GLCE: variants seen among roughly 807,000 people sequenced by gnomAD.
GLCE encodes the protein glucuronic acid epimerase, also known as D-glucuronyl C5-epimerase.
GLCE carries 19 observed loss-of-function variants against 47.9 expected under a neutral mutation model. That is an observed-to-expected ratio of 0.40 (90% CI 0.28 to 0.58). GLCE has a LOEUF of 0.58. Ranked by LOEUF, GLCE falls within the 20% of genes least tolerant of loss-of-function variation. The pLI is 0.48. For missense variants in GLCE, 556 were observed against 743.3 expected (o/e 0.75, Z 2.93); for synonymous variants, 245 against 263.4 (o/e 0.93, Z 0.68).
At chr15:69,197,293 G>A in intron 1 of GLCE, 1 of 297,886 alleles carries the variant, frequency 3.4e-6, no homozygotes, top group Non-Finnish European at 6.8e-6. Context: ...CTTTTTGCAG[G>A]GAAGATGTTT....
At chr15:69,252,922 T>C (rs2052866328) in intron 2 of GLCE, among the ~76,000 whole-genome samples, 1 of 151,968 alleles carries the variant, frequency 6.6e-6, no homozygotes, top group African/African-American at 2.4e-5. Context: ...TATTCTCAGT[T>C]AATAGGGTTA....
chr15:69,240,408 T>C (rs2052653347), intron 2 of GLCE, among the ~76,000 whole-genome samples: 1 of 152,092 alleles, frequency 6.6e-6, no homozygotes, highest in South Asian at 2.1e-4. Flanking sequence ...GCACATACTC[T>C]TGATATAAAA....
At chr15:69,224,959 A>G (rs547881906) in intron 2 of GLCE, among the ~76,000 whole-genome samples, 1 of 152,310 alleles carries the variant, frequency 6.6e-6, no homozygotes, top group East Asian at 1.9e-4. Context: ...GGCAGAAATT[A>G]TGTTAATAGT....
At chr15:69,176,490 C>T (rs994011536) in intron 1 of GLCE, among the ~76,000 whole-genome samples, 1 of 151,990 alleles carries the variant, frequency 6.6e-6, no homozygotes, top group Non-Finnish European at 1.5e-5. Flanking sequence ...ACCCAAAGTA[C>T]TGGGATTACA....
chr15:69,240,461 T>A (rs2140417730), intron 2 of GLCE, among the ~76,000 whole-genome samples: 1 of 152,312 alleles, frequency 6.6e-6, no homozygotes, highest in African/African-American at 2.4e-5. Flanking sequence ...CATTTTTTTA[T>A]GCTTGTAGAT....
intron 2 of GLCE, among the ~76,000 whole-genome samples, chr15:69,211,273 C>T (rs1311478278): frequency 3.3e-5 from 5 of 151,990 alleles, no homozygotes; most frequent in African/African-American, 9.7e-5. Flanking sequence ...AAAGGTCAAG[C>T]TTGTTCTCAT....
intron 1 of GLCE, among the ~76,000 whole-genome samples, chr15:69,171,688 G>A (rs769631169): frequency 5.3e-5 from 8 of 152,094 alleles, no homozygotes; most frequent in Admixed American, 3.9e-4. Context: ...GAGCCACCGC[G>A]CCCTGCTCTG....
At chr15:69,197,633 C>T (rs2052013289) in intron 1 of GLCE, among the ~76,000 whole-genome samples, 1 of 152,008 alleles carries the variant, frequency 6.6e-6, no homozygotes, top group Non-Finnish European at 1.5e-5. Flanking sequence ...GTCGGAGAAT[C>T]GATTGTTGTG....
At chr15:69,171,482 G>A (rs779302246) in intron 1 of GLCE, among the ~76,000 whole-genome samples, 31 of 150,806 alleles carry the variant, frequency 2.1e-4, no homozygotes, top group Non-Finnish European at 3.8e-4. Context: ...CTGCAACCTC[G>A]GCCTCCCAGG....
At chr15:69,179,012 G>A (rs190014123) in intron 1 of GLCE, among the ~76,000 whole-genome samples, 11 of 152,240 alleles carry the variant, frequency 7.2e-5, no homozygotes, top group Admixed American at 5.2e-4. Flanking sequence ...CAGTGTTTAT[G>A]GTATGCCGCT....
chr15:69,206,301 T>C (rs2052151303), intron 1 of GLCE, among the ~76,000 whole-genome samples: 2 of 152,056 alleles, frequency 1.3e-5, no homozygotes, highest in Non-Finnish European at 2.9e-5. Flanking sequence ...CTTATCAAAG[T>C]GCATGATGAC....
chr15:69,269,799 G>T lies in GLCE; in HGVS notation c.*555G>T, dbSNP rs987804108. ...AGTATTTGTTGCATTTGTTCAATTT[G>T]TTGTATATGGTGAATATTTAATTAT... On this transcript the variant is annotated 3_prime_UTR_variant, in exon 5 of 5. Transcript: ENST00000261858. 1.8e-4 allele frequency: 28 copies of T among 152,776 alleles called. No individual in the cohort carries two copies. Among genetic ancestry groups the T allele is most frequent in the African/African-American group, 5.8e-4 (24 of 41,546 alleles). The allele number at this position is 152,776 out of a possible 1,614,324, so 9.5% of individuals were successfully genotyped here. A position where few individuals can be genotyped will look rare whatever the true frequency, so the allele number is the denominator to read the frequency against.
chr15:69,178,671 C>T (rs1490579112), intron 1 of GLCE, among the ~76,000 whole-genome samples: 1 of 152,044 alleles, frequency 6.6e-6, no homozygotes, highest in East Asian at 1.9e-4. Flanking sequence ...TAATACACAA[C>T]ACTGGCAAAG....
intron 2 of GLCE, among the ~76,000 whole-genome samples, chr15:69,249,866 G>A (rs2052812903): frequency 6.6e-6 from 1 of 151,910 alleles, no homozygotes; most frequent in Non-Finnish European, 1.5e-5. Context: ...AGAACAATTT[G>A]CTTTCCAAAA....
chr15:69,196,832 TG>T (rs2052001216), intron 1 of GLCE: 1 of 165,326 alleles, frequency 6.0e-6, no homozygotes, highest in Admixed American at 6.2e-5. Flanking sequence ...TCTCTTACTT[TG>T]TGTAACAACA....
At chr15:69,162,905 T>A (rs7172413) in intron 1 of GLCE, among the ~76,000 whole-genome samples, 77,756 of 152,038 alleles carry the variant, frequency 0.51, 23,459 homozygotes, top group Non-Finnish European at 0.65. Context: ...CAATTTTTTT[T>A]AAAAGATGTC....
intron 1 of GLCE, chr15:69,196,590 G>T (rs2051995827): frequency 6.1e-6 from 1 of 163,734 alleles, no homozygotes; most frequent in South Asian, 1.6e-4. Context: ...GGAGACGAGA[G>T]CCGTGAAGAT....
In GLCE at chr15:69,268,208, T is replaced by A. The variant is rs2053112179; in HGVS notation, c.830-12T>A. 6.5e-7 allele frequency: 1 copy of A among 1,541,446 alleles called. No homozygotes were observed. The highest frequency in any genetic ancestry group is 1.4e-5 in the African/African-American group (1 of 72,372). On this transcript the variant is annotated splice_polypyrimidine_tract_variant and intron_variant, in intron 4 of 4. Transcript: ENST00000261858. ...TTCTAACCAGTCTTTGTTGGTATAT[T>A]CTCCCCTACAGAAACCAGTGAAGGT...
chr15:69,176,535 GT>G (rs1230954900), intron 1 of GLCE, among the ~76,000 whole-genome samples: 6 of 151,362 alleles, frequency 4.0e-5, no homozygotes, highest in African/African-American at 1.2e-4. Context: ...GCCCATTTTT[GT>G]TTTTTTTCCT....
Sources: gnomAD v4.1 joint callset for allele counts (sites outside exome capture counted in the v4.1 genomes callset) on GRCh38, gnomAD v4.1.1 for gene constraint, MANE v1.5 for transcripts, NCBI Gene and HGNC (gene_info 2026-07-23, HGNC 2026-07-21) for gene names.